SHROOM3: variants seen among roughly 807,000 people sequenced by gnomAD.
The protein encoded by SHROOM3 is shroom family member 3.
A neutral mutation model predicts 138.6 loss-of-function variants in SHROOM3; 47 were observed. The observed-to-expected ratio is 0.34, with a 90% CI of 0.27 to 0.43. SHROOM3 has a LOEUF of 0.43. SHROOM3 is among the 20% of genes least tolerant of loss of function. SHROOM3 has a pLI of 1.00. For synonymous variants in SHROOM3, 1,062 were observed against 1,063.3 expected, an observed-to-expected ratio of 1.00 and a Z score of 0.02; for missense variants, 2,491 against 2,596.5, an observed-to-expected ratio of 0.96 and a Z score of 0.88.
At chr4:76,777,356 C>T (rs1722601609) in intron 10 of SHROOM3, among the ~76,000 whole-genome samples, 1 of 152,084 alleles carries the variant, frequency 6.6e-6, no homozygotes, top group South Asian at 2.1e-4. Flanking sequence ...TTTTTTGCAG[C>T]TATTGTGAAA....
chr4:76,603,838 CTT>C (rs993165829), intron 2 of SHROOM3, among the ~76,000 whole-genome samples: 31 of 97,262 alleles, frequency 3.2e-4, no homozygotes, highest in East Asian at 9.8e-4. Flanking sequence ...ATCTTGTATT[CTT>C]TTTTTTTTTT....
At chr4:76,682,231 G>A (rs1473030396) in intron 2 of SHROOM3, among the ~76,000 whole-genome samples, 2 of 152,142 alleles carry the variant, frequency 1.3e-5, no homozygotes, top group African/African-American at 2.4e-5. Flanking sequence ...AAGGTTACTG[G>A]AAAAGTCAAT....
chr4:76,679,567 GA>G (rs531310848), intron 2 of SHROOM3, among the ~76,000 whole-genome samples: 14 of 146,952 alleles, frequency 9.5e-5, no homozygotes, highest in African/African-American at 2.5e-4. Context: ...TTTTCTAGAA[GA>G]AAAAAAAAAG....
chr4:76,733,994 A>G (rs1438621067), intron 4 of SHROOM3, among the ~76,000 whole-genome samples: 3 of 152,146 alleles, frequency 2.0e-5, no homozygotes, highest in African/African-American at 7.2e-5. Context: ...GTTCTAAAGT[A>G]CTAAAGTACT....
intron 1 of SHROOM3, among the ~76,000 whole-genome samples, chr4:76,487,056 G>GA (rs1731747085): frequency 6.6e-6 from 1 of 152,010 alleles, no homozygotes; most frequent in Non-Finnish European, 1.5e-5. Flanking sequence ...CCCACCCCCA[G>GA]AAAAATAAAC....
chr4:76,589,534 T>C (rs1734222585), intron 2 of SHROOM3, among the ~76,000 whole-genome samples: 1 of 151,856 alleles, frequency 6.6e-6, no homozygotes, highest in Admixed American at 6.6e-5. Context: ...GCTTCTGCAC[T>C]GGAAGCCTGG....
At chr4:76,633,476 G>A (rs1735392095) in intron 2 of SHROOM3, among the ~76,000 whole-genome samples, 1 of 151,688 alleles carries the variant, frequency 6.6e-6, no homozygotes, top group African/African-American at 2.4e-5. Flanking sequence ...CTAACACGGT[G>A]AAAGCCCGTC....
intron 1 of SHROOM3, among the ~76,000 whole-genome samples, chr4:76,506,342 C>T (rs35528922): frequency 0.11 from 16,449 of 152,012 alleles, 995 homozygotes; most frequent in South Asian, 0.2. Flanking sequence ...CAAACCTGCA[C>T]GTTCTGCACA....
chr4:76,541,624 C>T (rs1179399564), intron 1 of SHROOM3, among the ~76,000 whole-genome samples: 9 of 138,800 alleles, frequency 6.5e-5, no homozygotes, highest in African/African-American at 1.3e-4. Flanking sequence ...CATATGTGGG[C>T]GCACACACAC....
chr4:76,643,574 T>C (rs1437109550), intron 2 of SHROOM3, among the ~76,000 whole-genome samples: 2 of 152,168 alleles, frequency 1.3e-5, no homozygotes, highest in East Asian at 3.9e-4. Flanking sequence ...CAGAGAAGCA[T>C]TTCCTGCATC....
chr4:76,445,219 T>C (rs1730781195), intron 1 of SHROOM3, among the ~76,000 whole-genome samples: 2 of 152,154 alleles, frequency 1.3e-5, no homozygotes, highest in Admixed American at 1.3e-4. Flanking sequence ...ATGCCAAAGA[T>C]GATACTTGGC....
chr4:76,724,529 T>C (rs999894097), intron 3 of SHROOM3, among the ~76,000 whole-genome samples: 3 of 152,182 alleles, frequency 2.0e-5, no homozygotes, highest in African/African-American at 7.2e-5. Context: ...AGGTAATACA[T>C]GCGTATAGTA....
intron 1 of SHROOM3, among the ~76,000 whole-genome samples, chr4:76,498,464 G>A (rs1045377548): frequency 6.6e-6 from 1 of 152,090 alleles, no homozygotes; most frequent in South Asian, 2.1e-4. Context: ...GAGAGAGCTC[G>A]TCCTCTTTGA....
At chr4:76,701,461 T>C (rs1719899535) in intron 2 of SHROOM3, among the ~76,000 whole-genome samples, 2 of 152,238 alleles carry the variant, frequency 1.3e-5, no homozygotes, top group Admixed American at 6.5e-5. Context: ...TCTATGAGGC[T>C]GTCTCTGCAT....
intron 2 of SHROOM3, among the ~76,000 whole-genome samples, chr4:76,649,503 G>C (rs1033808546): frequency 6.6e-6 from 1 of 152,190 alleles, no homozygotes; most frequent in African/African-American, 2.4e-5. Context: ...AAACCAGTGA[G>C]TAGTTTTAAG....
At position 76,566,290 on chromosome 4, in the gene SHROOM3, G is replaced by A. The variant is rs965573402; in HGVS notation, c.323+10527G>A. 2.6e-5 allele frequency among the ~76,000 whole-genome samples: 4 copies of A among 152,068 alleles called. No individual in the cohort carries two copies. The East Asian group carries it at 7.7e-4, about 29-fold the overall frequency. On this transcript the variant is annotated intron_variant, in intron 2 of 10. Transcript: ENST00000296043. ...TGATTTAAAGTATACAGGAGGAAGTGTATAGGTTATATGCAAATATGACAT... is the reference window on the plus strand; with the variant it reads ...TGATTTAAAGTATACAGGAGGAAGTATATAGGTTATATGCAAATATGACAT...
rs146170167 is a variant in SHROOM3, at chr4:76,568,968, A to G, written c.323+13205A>G. On this transcript the variant is annotated intron_variant, in intron 2 of 10. Coordinates refer to ENST00000296043, the MANE Select transcript of SHROOM3 (RefSeq NM_020859.4). ...CACACTTCATATGGAGGTTGTAGCC[A>G]TAAAGACAACCTGTGTATAGAAAAA... is the stretch of plus-strand genomic sequence containing the variant. 5.8e-3 allele frequency among the ~76,000 whole-genome samples: 882 copies of G among 152,354 alleles called. 4 individuals are homozygous for G. Among genetic ancestry groups the G allele is most frequent in the African/African-American group, 0.02 (838 of 41,594 alleles).
At chr4:76,506,869 CTTA>C (rs1732221532) in intron 1 of SHROOM3, among the ~76,000 whole-genome samples, 1 of 152,118 alleles carries the variant, frequency 6.6e-6, no homozygotes, top group Non-Finnish European at 1.5e-5. Context: ...GTTTAACTCT[CTTA>C]CAGTACTCCC....
At chr4:76,588,161 C>T (rs560122239) in intron 2 of SHROOM3, among the ~76,000 whole-genome samples, 1 of 152,192 alleles carries the variant, frequency 6.6e-6, no homozygotes, top group East Asian at 1.9e-4. Flanking sequence ...AGTCACAAAC[C>T]CCACGTTTCA....
Sources: allele counts gnomAD v4.1 joint callset (sites outside exome capture counted in the v4.1 genomes callset), GRCh38; gene constraint gnomAD v4.1.1; transcripts MANE v1.5; gene names NCBI Gene and HGNC (gene_info 2026-07-23, HGNC 2026-07-21).